CADPS2: variants seen among roughly 807,000 people sequenced by gnomAD.
CADPS2 encodes calcium-dependent secretion activator 2.
CADPS2 carries 93 observed loss-of-function variants against 172.5 expected under a neutral mutation model. The observed-to-expected ratio is 0.54, with a 90% CI of 0.46 to 0.64. The LOEUF is 0.64. Ranked by LOEUF, CADPS2 falls within the 30% of genes least tolerant of loss-of-function variation. The pLI is 0.00. For synonymous variants in CADPS2, 546 were observed against 555.2 expected (o/e 0.98, Z 0.23); for missense variants, 1,420 against 1,565.9 (o/e 0.91, Z 1.57).
chr7:122,671,953 G>A (rs761620779), intron 2 of CADPS2, among the ~76,000 whole-genome samples: 1 of 152,054 alleles, frequency 6.6e-6, no homozygotes, highest in Non-Finnish European at 1.5e-5. Flanking sequence ...ATATACGAAA[G>A]GAGTATAAAA....
chr7:122,582,866 C>T (rs560301740), intron 6 of CADPS2, among the ~76,000 whole-genome samples: 1 of 151,948 alleles, frequency 6.6e-6, no homozygotes, highest in African/African-American at 2.4e-5. Flanking sequence ...TAAAATCCTC[C>T]CCATAAAACT....
At chr7:122,527,022 G>A (rs907353872) in intron 8 of CADPS2, among the ~76,000 whole-genome samples, 1 of 152,112 alleles carries the variant, frequency 6.6e-6, no homozygotes, top group African/African-American at 2.4e-5. Context: ...AATAAAGGAA[G>A]TAAATATTTT....
At chr7:122,778,168 G>A (rs748917185) in intron 1 of CADPS2, among the ~76,000 whole-genome samples, 1 of 152,110 alleles carries the variant, frequency 6.6e-6, no homozygotes, top group African/African-American at 2.4e-5. Context: ...ATGGAGATAA[G>A]GAACCTGTTG....
chr7:122,701,782 C>A, intron 2 of CADPS2: 1 of 1,208,514 alleles, frequency 8.3e-7, no homozygotes, highest in Non-Finnish European at 1.2e-6. Context: ...TTTATCTAAT[C>A]TTTGTATTTG....
At chr7:122,564,945 C>T (rs968225059) in intron 7 of CADPS2, among the ~76,000 whole-genome samples, 1 of 151,516 alleles carries the variant, frequency 6.6e-6, no homozygotes, top group Admixed American at 6.6e-5. Context: ...GAGCTGGAGG[C>T]CATTATCCTA....
chr7:122,675,209 G>A (rs1006610365), intron 2 of CADPS2, among the ~76,000 whole-genome samples: 1 of 152,200 alleles, frequency 6.6e-6, no homozygotes, highest in African/African-American at 2.4e-5. Context: ...GGACCTGTCT[G>A]TGACTCACAC....
intron 1 of CADPS2, among the ~76,000 whole-genome samples, chr7:122,783,146 G>C (rs562882967): frequency 2.0e-5 from 3 of 150,960 alleles, no homozygotes; most frequent in African/African-American, 4.9e-5. Context: ...AACCTGGGAG[G>C]GGGAGCTTGC....
At chr7:122,499,997 A>G (rs550234046) in intron 9 of CADPS2, among the ~76,000 whole-genome samples, 2 of 152,266 alleles carry the variant, frequency 1.3e-5, no homozygotes, top group East Asian at 1.9e-4. Context: ...CTGGCTCACA[A>G]ACATTTCCAT....
intron 13 of CADPS2, 82 bp from the exon 14 acceptor site, chr7:122,471,644 T>C: frequency 8.9e-7 from 1 of 1,120,520 alleles, no homozygotes; most frequent in Admixed American, 3.0e-5. Context: ...TTTTAGGCCT[T>C]ATAAGCAGAA....
intron 2 of CADPS2, among the ~76,000 whole-genome samples, chr7:122,714,220 G>A (rs866670585): frequency 7.9e-5 from 12 of 152,188 alleles, no homozygotes; most frequent in Non-Finnish European, 1.3e-4. Context: ...AGATTACTCA[G>A]GTGGGAAAAG....
intron 2 of CADPS2, among the ~76,000 whole-genome samples, chr7:122,668,808 A>C (rs138006786): frequency 5.1e-4 from 78 of 152,328 alleles, no homozygotes; most frequent in African/African-American, 1.7e-3. Flanking sequence ...GAAGAGGAGA[A>C]GCTCTCATCT....
chr7:122,784,972 C>A (rs915623979), intron 1 of CADPS2, among the ~76,000 whole-genome samples: 6 of 152,126 alleles, frequency 3.9e-5, no homozygotes, highest in Admixed American at 3.9e-4. Context: ...TCCCTGGAAT[C>A]AAATCTCCAA....
chr7:122,645,251 A>G (rs2078192504), intron 3 of CADPS2, among the ~76,000 whole-genome samples: 1 of 139,022 alleles, frequency 7.2e-6, no homozygotes, highest in Non-Finnish European at 1.6e-5. Flanking sequence ...ACACACATGT[A>G]CATGTGTGTA....
chr7:122,354,525 C>T (rs190304558), intron 27 of CADPS2: 4 of 152,202 alleles, frequency 2.6e-5, no homozygotes, highest in African/African-American at 7.2e-5. Context: ...TTTTTACATA[C>T]ATTTGCTATC....
chr7:122,732,599 T>C (rs1295691273), intron 2 of CADPS2, among the ~76,000 whole-genome samples: 1 of 147,488 alleles, frequency 6.8e-6, no homozygotes, highest in Non-Finnish European at 1.5e-5. Flanking sequence ...GATTAGATCT[T>C]TTTGGGTATT....
chr7:122,437,808 G>GAA (rs3069346), intron 17 of CADPS2, among the ~76,000 whole-genome samples: 1 of 135,958 alleles, frequency 7.4e-6, no homozygotes, highest in Non-Finnish European at 1.6e-5. Context: ...CCTGAAGAAA[G>GAA]AAAAAAAAAA....
At chr7:122,449,367 G>A (rs768558458) in intron 15 of CADPS2, among the ~76,000 whole-genome samples, 35 of 152,112 alleles carry the variant, frequency 2.3e-4, no homozygotes, top group Non-Finnish European at 4.4e-4. Context: ...CCAAGCTGGA[G>A]TGCAGTGGTG....
At chr7:122,603,041 A>T (rs1303669996) in intron 6 of CADPS2, among the ~76,000 whole-genome samples, 4 of 152,060 alleles carry the variant, frequency 2.6e-5, no homozygotes, top group Non-Finnish European at 5.9e-5. Context: ...TGACGGCTAC[A>T]CTTTAGCACA....
intron 7 of CADPS2, among the ~76,000 whole-genome samples, chr7:122,558,755 A>G (rs1020963283): frequency 6.6e-6 from 1 of 152,214 alleles, no homozygotes; most frequent in African/African-American, 2.4e-5. Flanking sequence ...CTTAAAATAT[A>G]TAAGCTGTCA....
Sources: gnomAD v4.1 joint callset for allele counts (sites outside exome capture counted in the v4.1 genomes callset) on GRCh38, gnomAD v4.1.1 for gene constraint, MANE v1.5 for transcripts, NCBI Gene and HGNC (gene_info 2026-07-23, HGNC 2026-07-21) for gene names.